The following ERLIN2 variants were observed in gnomAD, a reference collection of about 807,000 sequenced individuals.
ERLIN2 encodes ER lipid raft associated 2.
Under a neutral mutation model 41.5 loss-of-function variants are expected in ERLIN2, and 22 were observed. The observed-to-expected ratio is 0.53, with a 90% CI of 0.38 to 0.76. The LOEUF is 0.76. Among genes scored for constraint, ERLIN2 ranks in the 30% least tolerant of loss-of-function variants. The pLI, the probability that ERLIN2 is intolerant of heterozygous loss-of-function variation, is 0.00. For synonymous variants in ERLIN2, 149 were observed against 150.9 expected (o/e 0.99, Z 0.09); for missense variants, 247 against 414.3 (o/e 0.60, Z 3.51).
intron 1 of ERLIN2, 185 bp from the exon 2 acceptor site, chr8:37,737,723 A>C: frequency 1.6e-6 from 1 of 642,400 alleles, no homozygotes; most frequent in East Asian, 2.9e-5. Flanking sequence ...TTTTACAGTT[A>C]AAGAAAGGGG....
chr8:37,746,338 A>G lies in ERLIN2; in HGVS notation c.424+1642A>G, dbSNP rs147997467. ...CCATGTTATTAAAGTATTATCTAAT[A>G]CTTTGAAGTTTACCTGAAGAACCTC... is the stretch of plus-strand genomic sequence containing the variant. On this transcript the variant is annotated intron_variant, in intron 6 of 11. Coordinates refer to ENST00000519638, the MANE Select transcript of ERLIN2 (RefSeq NM_007175.8). 8,832 of 985,390 alleles carry G rather than the reference A, an allele frequency of 9.0e-3. 57 individuals are homozygous for G. The highest frequency in any genetic ancestry group is 0.016 in the Middle Eastern group (31 of 1,914). 61.0% of individuals were successfully genotyped at this position (985,390 alleles called of 1,614,324 possible).
At chr8:37,746,370 T>C (rs1803049746) in intron 6 of ERLIN2, 1 of 985,230 alleles carries the variant, frequency 1.0e-6, no homozygotes, top group South Asian at 4.7e-5. Context: ...CCTCTTTGTG[T>C]GTACTTAGTA....
At position 37,754,581 on chromosome 8, in the gene ERLIN2, G is replaced by C. The variant is rs1018859343; in HGVS notation, c.*466G>C. On this transcript the variant is annotated 3_prime_UTR_variant, in exon 12 of 12. Transcript: ENST00000519638. ...ATATGTGCCTGTGAGTTTGCCAGTA[G>C]AGCTGTGAAGAAACAGCTGCAGAGA... is the stretch of plus-strand genomic sequence containing the variant. 1.6e-4 allele frequency: 36 copies of C among 223,048 alleles called. No homozygotes were observed. The highest frequency in any genetic ancestry group is 2.9e-4 in the Non-Finnish European group (32 of 110,480). The allele number at this position is 223,048 out of a possible 1,614,324, so 13.8% of individuals were successfully genotyped here.
chr8:37,745,299 T>A, intron 6 of ERLIN2: 1 of 516,346 alleles, frequency 1.9e-6, no homozygotes, highest in Non-Finnish European at 3.4e-6. Flanking sequence ...TTGTGATTAT[T>A]ATTTTTTTAC....
chr8:37,740,581 T>TTA (rs957443777), intron 3 of ERLIN2, 135 bp downstream of exon 3: 29 of 281,294 alleles, frequency 1.0e-4, no homozygotes, highest in South Asian at 4.4e-4. Context: ...TATATACATA[T>TTA]TATATATATA....
chr8:37,746,975 A>T (rs1257502529), intron 6 of ERLIN2, among the ~76,000 whole-genome samples: 3 of 152,248 alleles, frequency 2.0e-5, no homozygotes, highest in African/African-American at 4.8e-5. Flanking sequence ...TTGTCCAAAA[A>T]TCTTGAAACA....
intron 2 of ERLIN2, 102 bp from the exon 3 acceptor site, chr8:37,740,263 A>T: frequency 1.3e-6 from 1 of 790,388 alleles, no homozygotes; most frequent in Non-Finnish European, 2.3e-6. Flanking sequence ...ACTCTCTATT[A>T]TATGTTTATA....
At chr8:37,747,606 A>T (rs764207734) in intron 6 of ERLIN2, 2 of 1,611,652 alleles carry the variant, frequency 1.2e-6, no homozygotes, top group East Asian at 4.5e-5. Context: ...CTTGTTTCTG[A>T]GTATATATGT....
chr8:37,744,466 C>A, intron 5 of ERLIN2, 50 bp downstream of exon 5: 1 of 1,606,982 alleles, frequency 6.2e-7, no homozygotes, highest in Non-Finnish European at 8.5e-7. Flanking sequence ...CCCCAGCATG[C>A]CACTCCCGTG....
chr8:37,757,622 T>C lies in ERLIN2; in HGVS notation c.*3507T>C, dbSNP rs975310981. The C allele has an allele frequency of 2.0e-5, 3 of 152,254 alleles. No homozygotes were observed. Among genetic ancestry groups the C allele is most frequent in the African/African-American group, 7.2e-5 (3 of 41,460 alleles). The allele number at this position is 152,254 out of a possible 1,614,324, so 9.4% of individuals were successfully genotyped here. A position where few individuals can be genotyped will look rare whatever the true frequency, so the allele number is the denominator to read the frequency against. ...TGGACAATACTAACATGTGAATTTA[T>C]GTCTTAGTTTTATTTGCAGTCTTGC... On this transcript the variant is annotated 3_prime_UTR_variant, in exon 12 of 12. Transcript: ENST00000519638.
In ERLIN2 at chr8:37,755,330, C is replaced by A. The variant is rs1280627620; in HGVS notation, c.*1215C>A. ...TTTCTTTTTCATTACTAGGTCAGAACATTTTGAGTCACCTTGGGAGATTCA... is the reference window on the plus strand; with the variant it reads ...TTTCTTTTTCATTACTAGGTCAGAAAATTTTGAGTCACCTTGGGAGATTCA... On this transcript the variant is annotated 3_prime_UTR_variant, in exon 12 of 12. Coordinates refer to ENST00000519638, the MANE Select transcript of ERLIN2 (RefSeq NM_007175.8). The A allele has an allele frequency of 6.6e-6, 1 of 152,214 alleles. No homozygotes were observed. Among genetic ancestry groups the A allele is most frequent in the African/African-American group, 2.4e-5 (1 of 41,452 alleles). The allele number at this position is 152,214 out of a possible 1,614,324, so 9.4% of individuals were successfully genotyped here.
rs200369092 is a variant in ERLIN2 at position 37,745,219 on chromosome 8, A to G, written c.424+523A>G. 2.6e-4 allele frequency: 114 copies of G among 444,462 alleles called. No individual in the cohort carries two copies. In the East Asian group the frequency reaches 4.0e-3, roughly 16 times the overall value. 27.5% of individuals were successfully genotyped at this position (444,462 alleles called of 1,614,324 possible). A position where few individuals can be genotyped will look rare whatever the true frequency, so the allele number is the denominator to read the frequency against. ...GAGGGCCCCCAGGAATGGGTGATGA[A>G]AAAGACATGATTCATAGTTAATTCT... is the stretch of plus-strand genomic sequence containing the variant. On this transcript the variant is annotated intron_variant, in intron 6 of 11. Transcript: ENST00000519638.
chr8:37,737,650 G>C (rs2129640460), intron 1 of ERLIN2: 2 of 481,952 alleles, frequency 4.1e-6, no homozygotes, highest in Non-Finnish European at 3.8e-6. Flanking sequence ...GCTGGCACGG[G>C]TTCTCCCTTG....
chr8:37,748,601 C>T (rs924623212), intron 6 of ERLIN2, among the ~76,000 whole-genome samples: 4 of 152,250 alleles, frequency 2.6e-5, no homozygotes, highest in Non-Finnish European at 5.9e-5. Context: ...CGGAGACTTT[C>T]TCTTCCTCAG....
At chr8:37,749,697 G>A (rs544460606) in intron 7 of ERLIN2, 65 bp downstream of exon 7, 1 of 1,557,692 alleles carries the variant, frequency 6.4e-7, no homozygotes, top group African/African-American at 1.4e-5. Flanking sequence ...CCCAAGGGAT[G>A]TCCTTTTTGT....
chr8:37,746,886 CAG>C (rs1407115493), intron 6 of ERLIN2, among the ~76,000 whole-genome samples: 1 of 152,210 alleles, frequency 6.6e-6, no homozygotes, highest in Non-Finnish European at 1.5e-5. Flanking sequence ...AGAACAGAGA[CAG>C]AGTCACTTCA....
At chr8:37,744,312 C>T (rs1052379846) in intron 4 of ERLIN2, 43 bp from the exon 5 acceptor site, 1 of 1,544,268 alleles carries the variant, frequency 6.5e-7, no homozygotes, top group South Asian at 1.1e-5. Context: ...GCACCATATT[C>T]TAAGGCTTCC....
At chr8:37,751,132 T>C (rs564947053) in intron 9 of ERLIN2, among the ~76,000 whole-genome samples, 107 of 152,322 alleles carry the variant, frequency 7.0e-4, no homozygotes, top group African/African-American at 2.5e-3. Flanking sequence ...ACTGTGGAGG[T>C]AGGTACTGTA....
At position 37,754,027 on chromosome 8, in the gene ERLIN2, G is replaced by C; in HGVS notation, c.932G>C (p.Ser311Thr). Residue 311 changes from serine to threonine, a missense_variant, in exon 12 of 12, where the codon AGT (serine) becomes ACT (threonine). Coordinates refer to ENST00000519638, the MANE Select transcript of ERLIN2 (RefSeq NM_007175.8). ...AACATGTTCATGGACTCTGCGGGCA[G>C]TGTGAGCAAGCAGTTTGAGGGGCTA... ...IPNMFMDSAGSVSKQFEGLAD... is the reference protein window; with the variant it reads ...IPNMFMDSAGTVSKQFEGLAD... The C allele has an allele frequency of 1.2e-6, 2 of 1,614,082 alleles. No individual in the cohort carries two copies. Among genetic ancestry groups the C allele is most frequent in the Non-Finnish European group, 1.7e-6 (2 of 1,179,980 alleles).
Sources: allele counts gnomAD v4.1 joint callset (sites outside exome capture counted in the v4.1 genomes callset), GRCh38; gene constraint gnomAD v4.1.1; transcripts MANE v1.5; gene names NCBI Gene and HGNC (gene_info 2026-07-23, HGNC 2026-07-21).